KIF17: variants seen among roughly 807,000 people sequenced by gnomAD.
The protein encoded by KIF17 is kinesin family member 17.
Under a neutral mutation model 96.8 loss-of-function variants are expected in KIF17, and 80 were observed. That is an observed-to-expected ratio of 0.83 (90% CI 0.69 to 1.00). The LOEUF (loss-of-function observed/expected upper bound fraction) is 1.00, where lower values mean the gene tolerates loss of function less well. Among genes scored for constraint, KIF17 ranks in the 50% least tolerant of loss-of-function variants. The pLI is 0.00. For synonymous variants in KIF17, 567 were observed against 587.5 expected, an observed-to-expected ratio of 0.97 and a Z score of 0.51; for missense variants, 1,280 against 1,372.9, an observed-to-expected ratio of 0.93 and a Z score of 1.07.
intron 11 of KIF17, among the ~76,000 whole-genome samples, chr1:20,674,084 A>G (rs981307688): frequency 2.0e-5 from 3 of 151,886 alleles, no homozygotes; most frequent in Non-Finnish European, 4.4e-5. Context: ...GTGAGCCACC[A>G]CGCCTAGCTA....
At chr1:20,675,147 T>C (rs112755594) in intron 11 of KIF17, among the ~76,000 whole-genome samples, 3 of 130,656 alleles carry the variant, frequency 2.3e-5, no homozygotes, top group African/African-American at 9.0e-5. Flanking sequence ...CAAGACTCCA[T>C]CTCAAAAAAA....
chr1:20,677,043 G>T (rs10916849), intron 11 of KIF17, among the ~76,000 whole-genome samples: 58,225 of 150,966 alleles, frequency 0.39, 11,741 homozygotes, highest in Non-Finnish European at 0.45. Context: ...AAACCCCGTC[G>T]CTACAAAAAA....
At chr1:20,673,232 A>G (rs2053679154) in intron 11 of KIF17, among the ~76,000 whole-genome samples, 1 of 151,986 alleles carries the variant, frequency 6.6e-6, no homozygotes, top group Admixed American at 6.6e-5. Flanking sequence ...TAAATAAATA[A>G]ATAGATAAAT....
intron 7 of KIF17, among the ~76,000 whole-genome samples, chr1:20,688,859 CCCTGGGTCT>C (rs1396571084): frequency 6.6e-6 from 1 of 152,220 alleles, no homozygotes; most frequent in Non-Finnish European, 1.5e-5. Context: ...CCTCCCCTTC[CCCTGGGTCT>C]CCTCCAGGAG....
rs367672816 is a variant in KIF17 at position 20,687,693 on chromosome 1, C to G, written c.1633G>C (p.Glu545Gln). 1.2e-5 allele frequency: 20 copies of G among 1,614,060 alleles called. No homozygotes were observed. The highest frequency in any genetic ancestry group is 1.7e-5 in the Non-Finnish European group (20 of 1,180,050). The change falls in exon 8 of 15, where the codon GAA becomes CAA. Residue 545 changes from glutamate to glutamine, a missense_variant. By Grantham distance (29) the Glu-to-Gln change is conservative. Coordinates refer to ENST00000400463, the MANE Select transcript of KIF17 (RefSeq NM_001122819.3). This position sits in a 1 kb window ranked among gnomAD's most constrained non-coding sequence, Gnocchi z 4.4. ...AAAGCCTCGGACACAGAGGTTTCTT[C>G]GAGCGAGGATGACTCACTGGAGCCC... ...SLGSSESSSL[E>Q]ETSVSEAFPG...
intron 5 of KIF17, among the ~76,000 whole-genome samples, chr1:20,701,950 T>TA (rs1210356185): frequency 6.6e-6 from 1 of 152,076 alleles, no homozygotes; most frequent in African/African-American, 2.4e-5. Context: ...GAACCAGGGC[T>TA]AAGGGGGAAA....
At chr1:20,688,242 G>T (rs567920504) in intron 7 of KIF17, among the ~76,000 whole-genome samples, 1 of 152,090 alleles carries the variant, frequency 6.6e-6, no homozygotes, top group South Asian at 2.1e-4. Flanking sequence ...TAGAGACAGG[G>T]TTTCACCATG....
Position 20,687,529 on chromosome 1 carries a change from C to G in KIF17, c.1797G>C (p.Glu599Asp), listed in dbSNP as rs2053959919. 1 of 1,613,206 alleles carries G rather than the reference C, an allele frequency of 6.2e-7. No homozygotes were observed. The highest frequency in any genetic ancestry group is 1.3e-5 in the African/African-American group (1 of 74,916). Residue 599 changes from glutamate to aspartate, a missense_variant, in exon 8 of 15, where the codon GAG becomes GAC. Coordinates refer to ENST00000400463, the MANE Select transcript of KIF17 (RefSeq NM_001122819.3). This position sits in a 1 kb window ranked among gnomAD's most constrained non-coding sequence, Gnocchi z 4.4. ...LLGEQNYLPQ[E>D]EPQEVPLQGL... The stretch of plus-strand genomic sequence containing the variant: ...CCTGCAGGGGCACCTCCTGCGGCTC[C>G]TCTTGCGGGAGGTAGTTCTGTTCCC...
chr1:20,689,375 G>A (rs1399495764), intron 7 of KIF17, among the ~76,000 whole-genome samples: 1 of 152,226 alleles, frequency 6.6e-6, no homozygotes, highest in East Asian at 1.9e-4. Flanking sequence ...TAAAGGCTGA[G>A]TGCAGTGGCT....
At chr1:20,715,335 T>C (rs1011391989) in intron 2 of KIF17, among the ~76,000 whole-genome samples, 158 bp downstream of exon 2, 1 of 152,150 alleles carries the variant, frequency 6.6e-6, no homozygotes, top group African/African-American at 2.4e-5. Flanking sequence ...TGTTCTAAGT[T>C]TTTTTCCCAC....
Position 20,713,544 on chromosome 1 carries a change from G to A in KIF17, c.390C>T (p.Asn130=), listed in dbSNP as rs752845818. 1 of 1,612,464 alleles carries A rather than the reference G, an allele frequency of 6.2e-7. No homozygotes were observed. The highest frequency in any genetic ancestry group is 1.1e-5 in the South Asian group (1 of 90,950). ...HVFESVQCAE[N]TKFLVRASYL... is the part of the protein sequence containing the mutation. ...AGGAGGCCCGGACCAGGAACTTAGT[G>A]TTCTCTGCACACTGCAGGGAGTACA... Residue 130 remains asparagine, a synonymous_variant, in exon 3 of 15, where the codon AAC becomes AAT. Transcript: ENST00000400463.
intron 3 of KIF17, among the ~76,000 whole-genome samples, chr1:20,711,440 T>C (rs2154537644): frequency 6.6e-6 from 1 of 152,284 alleles, no homozygotes; most frequent in East Asian, 1.9e-4. Context: ...ACCAGGTTCC[T>C]TGGTAACTGC....
intron 14 of KIF17, 41 bp from the exon 15 acceptor site, chr1:20,664,803 CAGG>C: frequency 1.3e-6 from 2 of 1,587,188 alleles, no homozygotes; most frequent in Non-Finnish European, 1.7e-6. Context: ...GCCAGGAGCG[CAGG>C]GATGGAGAGA....
chr1:20,715,505 G>C lies in KIF17; in HGVS notation c.366C>G (p.Phe122Leu). 3 of 1,613,036 alleles carry C rather than the reference G, an allele frequency of 1.9e-6. No homozygotes were observed. Among genetic ancestry groups the C allele is most frequent in the Non-Finnish European group, 2.5e-6 (3 of 1,180,016 alleles). The change falls in exon 2 of 15, where the codon TTC becomes TTG. Residue 122 changes from phenylalanine (F) to leucine (L), a missense_variant. Transcript: ENST00000400463. Reference protein sequence around the residue: ...GIIPRAFEHVFESVQCAENTK... With the variant: ...GIIPRAFEHVLESVQCAENTK... ...GCGAGGCCCGTACCTGGACGCTCTC[G>C]AACACGTGCTCGAAGGCCCTGGGGA...
In KIF17 at chr1:20,671,263, C is replaced by T. The variant is rs181539227; in HGVS notation, c.2722+675G>A. ...TGATTAGGATAACAATGACATGCAG[C>T]GAGCATCACTATGTGCCAGGCACTG... On this transcript the variant is annotated intron_variant, in intron 12 of 14. Transcript: ENST00000400463. 5.9e-5 allele frequency among the ~76,000 whole-genome samples: 9 copies of T among 152,278 alleles called. No homozygotes were observed. In the South Asian group the frequency reaches 6.2e-4, roughly 11 times the overall value.
rs1557606489 is a variant in KIF17 at position 20,712,653 on chromosome 1, T to TTATCTATATATAAAATTATATTA, written c.480+800_480+801insTAATATAATTTTATATATAGATA. Among the ~76,000 whole-genome samples the TTATCTATATATAAAATTATATTA allele has an allele frequency of 1.1e-3, 77 of 67,912 alleles. 11 individuals carry two copies. The highest frequency in any genetic ancestry group is 1.6e-3 in the Non-Finnish European group (65 of 39,798). The allele number at this position is 67,912 out of a possible 152,430, so 44.6% of individuals were successfully genotyped here. A position where few individuals can be genotyped will look rare whatever the true frequency, so the allele number is the denominator to read the frequency against. Reference sequence around the variant, plus strand: ...ATCTATATATATAATATAGATAATATTATCTATATATAATATAGATAATAT... The same window carrying TTATCTATATATAAAATTATATTA: ...ATCTATATATATAATATAGATAATATTATCTATATATAAAATTATATTATATCTATATATAATATAGATAATAT... On this transcript the variant is annotated intron_variant, in intron 3 of 14. Coordinates refer to ENST00000400463, the MANE Select transcript of KIF17 (RefSeq NM_001122819.3).
At position 20,704,728 on chromosome 1, in the gene KIF17, C is replaced by T. The variant is rs779454886; in HGVS notation, c.842G>A (p.Arg281His). Residue 281 changes from arginine to histidine, a missense_variant, in exon 5 of 15, where the codon CGC becomes CAC. Coordinates refer to ENST00000400463, the MANE Select transcript of KIF17 (RefSeq NM_001122819.3). This position sits in a 1 kb window ranked among gnomAD's most constrained non-coding sequence, Gnocchi z 6.8. ...GNVISALVDG[R>H]CKHVPYRDSK... ...GTCACGGTAGGGGACGTGCTTACAGCGCCCGTCCACCAGCGCCGAGATGAC... is the reference window on the plus strand; with the variant it reads ...GTCACGGTAGGGGACGTGCTTACAGTGCCCGTCCACCAGCGCCGAGATGAC... 87 of 1,612,952 alleles carry T rather than the reference C, an allele frequency of 5.4e-5. No individual in the cohort carries two copies. Among genetic ancestry groups the T allele is most frequent in the Non-Finnish European group, 6.9e-5 (81 of 1,179,428 alleles).
At chr1:20,677,714 G>A (rs1032192251) in intron 11 of KIF17, among the ~76,000 whole-genome samples, 1 of 152,164 alleles carries the variant, frequency 6.6e-6, no homozygotes, top group African/African-American at 2.4e-5. Flanking sequence ...AATTAGCCGG[G>A]CATGGGTGGT....
chr1:20,681,151 A>G (rs2053823932), intron 11 of KIF17, among the ~76,000 whole-genome samples: 3 of 148,178 alleles, frequency 2.0e-5, no homozygotes, highest in Non-Finnish European at 4.5e-5. Flanking sequence ...CCAGGAAAAT[A>G]AAAAACTAAA....
Sources: gnomAD v4.1 joint callset for allele counts (sites outside exome capture counted in the v4.1 genomes callset) on GRCh38, gnomAD v4.1.1 for gene constraint, Gnocchi (gnomAD v3.1) non-coding constraint, MANE v1.5 for transcripts, NCBI Gene and HGNC (gene_info 2026-07-23, HGNC 2026-07-21) for gene names.